The following KIAA1217 variants were observed in gnomAD, a reference collection of about 807,000 sequenced individuals.
KIAA1217 encodes sickle tail protein homolog.
KIAA1217 carries 88 observed loss-of-function variants against 163.9 expected under a neutral mutation model. The observed-to-expected ratio is 0.54, with a 90% CI of 0.45 to 0.64. KIAA1217 has a LOEUF of 0.64. Ranked by LOEUF, KIAA1217 falls within the 30% of genes least tolerant of loss-of-function variation. The pLI, the probability that KIAA1217 is intolerant of heterozygous loss-of-function variation, is 0.00. For synonymous variants in KIAA1217, 903 were observed against 923.1 expected, an observed-to-expected ratio of 0.98 and a Z score of 0.39; for missense variants, 2,372 against 2,475.0, an observed-to-expected ratio of 0.96 and a Z score of 0.88.
rs1344314477 is a variant in KIAA1217 at position 23,862,515 on chromosome 10, G to A, written c.-320-144710G>A. On this transcript the variant is annotated intron_variant, in intron 1 of 18. Transcript: ENST00000376462. ...AGCTTTTATCTCTCTCTTTGGAGCC[G>A]AATGTCTCTCAGGAGTTATATTTTC... Among the ~76,000 whole-genome samples, 5 of 152,050 alleles carry A rather than the reference G, an allele frequency of 3.3e-5. 1 individual carries two copies. In the South Asian group the frequency reaches 6.2e-4, roughly 19 times the overall value.
At chr10:23,726,979 CTTTTTT>C (rs1012125050) in intron 1 of KIAA1217, among the ~76,000 whole-genome samples, 5,187 of 92,778 alleles carry the variant, frequency 0.056, 148 homozygotes, top group African/African-American at 0.15. Context: ...GTATAGGCCT[CTTTTTT>C]TTTTTTTTTT....
chr10:23,893,286 T>C (rs1393139384), intron 1 of KIAA1217, among the ~76,000 whole-genome samples: 1 of 152,096 alleles, frequency 6.6e-6, no homozygotes, highest in Non-Finnish European at 1.5e-5. Flanking sequence ...CATAGAGGTG[T>C]TTGTAGTATT....
intron 2 of KIAA1217, among the ~76,000 whole-genome samples, chr10:24,184,952 A>G (rs1431359795): frequency 2.0e-5 from 3 of 152,222 alleles, no homozygotes; most frequent in Non-Finnish European, 4.4e-5. Flanking sequence ...TATGGTATCT[A>G]ATATAGGTAT....
chr10:24,064,165 C>T (rs542498647), intron 2 of KIAA1217, among the ~76,000 whole-genome samples: 8 of 152,280 alleles, frequency 5.3e-5, no homozygotes, highest in African/African-American at 1.9e-4. Context: ...CTGGCCAGAA[C>T]TTCCAACACT....
intron 2 of KIAA1217, among the ~76,000 whole-genome samples, chr10:24,121,617 A>G (rs1270551600): frequency 1.3e-5 from 2 of 152,222 alleles, no homozygotes; most frequent in Non-Finnish European, 2.9e-5. Context: ...TTACTATAAC[A>G]TCTACTGTCA....
At chr10:23,739,873 C>T (rs1042544978) in intron 1 of KIAA1217, among the ~76,000 whole-genome samples, 2 of 152,134 alleles carry the variant, frequency 1.3e-5, no homozygotes, top group Non-Finnish European at 2.9e-5. Context: ...TAGATATATT[C>T]TGAAGCAGAG....
intron 2 of KIAA1217, among the ~76,000 whole-genome samples, chr10:24,327,161 G>T (rs1026514555): frequency 6.6e-6 from 1 of 152,178 alleles, no homozygotes; most frequent in African/African-American, 2.4e-5. Flanking sequence ...CTTATCCTTT[G>T]TTGAGAACTA....
chr10:23,888,665 G>A (rs1003798860), intron 1 of KIAA1217, among the ~76,000 whole-genome samples: 5 of 151,748 alleles, frequency 3.3e-5, no homozygotes, highest in African/African-American at 1.2e-4. Context: ...TGCACTTTTG[G>A]CACCAAGGCA....
At chr10:24,447,166 T>A (rs2061005694) in intron 5 of KIAA1217, among the ~76,000 whole-genome samples, 1 of 152,136 alleles carries the variant, frequency 6.6e-6, no homozygotes. Flanking sequence ...TGCACTGAGT[T>A]ATTGATGCAC....
intron 1 of KIAA1217, among the ~76,000 whole-genome samples, chr10:23,697,714 C>CA (rs35015789): frequency 0.26 from 36,137 of 140,140 alleles, 7,464 homozygotes; most frequent in African/African-American, 0.58. Flanking sequence ...ACTAAAAATA[C>CA]AAAAAAAAAA....
At chr10:23,879,741 G>T (rs530946850) in intron 1 of KIAA1217, among the ~76,000 whole-genome samples, 9 of 152,054 alleles carry the variant, frequency 5.9e-5, no homozygotes, top group African/African-American at 1.7e-4. Context: ...GGAGGTGGGG[G>T]AAAGAAAGTT....
At chr10:23,888,885 A>G (rs1307457596) in intron 1 of KIAA1217, among the ~76,000 whole-genome samples, 1 of 151,810 alleles carries the variant, frequency 6.6e-6, no homozygotes, top group African/African-American at 2.4e-5. Flanking sequence ...AACCGATCTG[A>G]CATTTAGCAC....
At chr10:24,020,889 T>G (rs11013854) in intron 2 of KIAA1217, among the ~76,000 whole-genome samples, 32,773 of 151,964 alleles carry the variant, frequency 0.22, 4,074 homozygotes, top group Middle Eastern at 0.4. Context: ...AAAGTAAAGA[T>G]GCTGTATTTT....
intron 9 of KIAA1217, among the ~76,000 whole-genome samples, chr10:24,507,677 A>C (rs1418201727): frequency 2.0e-5 from 3 of 152,220 alleles, no homozygotes; most frequent in African/African-American, 4.8e-5. Flanking sequence ...AAGTGGAAAG[A>C]GAAAAATATT....
At chr10:24,478,836 G>A (rs1202102262) in intron 6 of KIAA1217, among the ~76,000 whole-genome samples, 2 of 152,124 alleles carry the variant, frequency 1.3e-5, no homozygotes, top group Non-Finnish European at 2.9e-5. Context: ...TTTGTAGTTT[G>A]GATCATATAC....
chr10:24,522,043 C>T lies in KIAA1217; in HGVS notation c.2456+114C>T, dbSNP rs147358599. The T allele has an allele frequency of 1.1e-3, 1,286 of 1,220,598 alleles. 9 individuals carry two copies. The African/African-American group carries it at 0.016, about 15-fold the overall frequency. 75.6% of individuals were successfully genotyped at this position (1,220,598 alleles called of 1,614,324 possible). ...CATGCTCCCAGGACACATCCAGTGT[C>T]CTGAGGAAAAGCCCCAAGTCCTTCT... On this transcript the variant is annotated intron_variant, in intron 12 of 20. Coordinates refer to ENST00000376454, the MANE Select transcript of KIAA1217 (RefSeq NM_019590.5).
At chr10:24,435,782 T>C (rs908890470) in intron 4 of KIAA1217, among the ~76,000 whole-genome samples, 1 of 152,048 alleles carries the variant, frequency 6.6e-6, no homozygotes, top group Non-Finnish European at 1.5e-5. Context: ...GTTGATAACA[T>C]AAATGAAACC....
intron 1 of KIAA1217, among the ~76,000 whole-genome samples, chr10:23,810,949 TATATA>T: frequency 8.5e-6 from 1 of 117,238 alleles, no homozygotes; most frequent in Non-Finnish European, 1.6e-5. Flanking sequence ...TAGTATATAT[TATATA>T]ATATATATAG....
intron 3 of KIAA1217, among the ~76,000 whole-genome samples, chr10:24,411,275 A>C (rs2057748920): frequency 6.6e-6 from 1 of 152,216 alleles, no homozygotes; most frequent in Non-Finnish European, 1.5e-5. Flanking sequence ...TTGACACAAA[A>C]GGATTCAAAG....
Sources: allele counts gnomAD v4.1 joint callset (sites outside exome capture counted in the v4.1 genomes callset), GRCh38; gene constraint gnomAD v4.1.1; transcripts MANE v1.5; gene names NCBI Gene and HGNC (gene_info 2026-07-23, HGNC 2026-07-21).